The following DRC1 variants were observed in gnomAD, a reference collection of about 807,000 sequenced individuals.
DRC1 encodes the protein dynein regulatory complex subunit 1, also known as dynein regulatory complex protein 1.
In DRC1, 74 loss-of-function variants were observed where a neutral mutation model predicts 98.7. That is an observed-to-expected ratio of 0.75 (90% confidence interval 0.62 to 0.91). The LOEUF (loss-of-function observed/expected upper bound fraction) is 0.91, where lower values mean the gene tolerates loss of function less well. Among genes scored for constraint, DRC1 ranks in the 40% least tolerant of loss-of-function variants. The pLI is 0.00. For synonymous variants in DRC1, 336 were observed against 334.1 expected (o/e 1.01, Z -0.06); for missense variants, 875 against 886.0 (o/e 0.99, Z 0.16).
rs1664124531 is a variant in DRC1 at position 26,455,364 on chromosome 2, A to C, written c.2166+131A>C. Reference sequence around the variant, plus strand: ...GGGAGCTTTGTGATATGATGTAAAAAATCAAGAGTGGCACCTTGAGACAAC... The same window carrying C: ...GGGAGCTTTGTGATATGATGTAAAACATCAAGAGTGGCACCTTGAGACAAC... On this transcript the variant is annotated intron_variant, in intron 16 of 16. Transcript: ENST00000288710. The C allele has an allele frequency of 1.2e-5, 10 of 829,990 alleles. No homozygotes were observed. The East Asian group carries it at 2.4e-4, about 20-fold the overall frequency. 51.4% of individuals were successfully genotyped at this position (829,990 alleles called of 1,614,324 possible). A position where few individuals can be genotyped will look rare whatever the true frequency, so the allele number is the denominator to read the frequency against.
intron 1 of DRC1, 105 bp from the exon 2 acceptor site, chr2:26,414,239 A>G: frequency 8.8e-7 from 1 of 1,139,734 alleles, no homozygotes; most frequent in South Asian, 1.6e-5. Flanking sequence ...GGTCTCCCAA[A>G]CTGTTGGGAT....
In DRC1 at chr2:26,444,712, A is replaced by C. The variant is rs1355595019; in HGVS notation, c.1164-4A>C. The C allele has an allele frequency of 6.2e-7, 1 of 1,613,822 alleles. No individual in the cohort carries two copies. ...TGGCCATGCTCTGTGACTCTCCTTC[A>C]CAGGCATTTTGCTCTTATTGATGAT... On this transcript the variant is annotated splice_region_variant and splice_polypyrimidine_tract_variant and intron_variant, in intron 9 of 16. Transcript: ENST00000288710.
chr2:26,409,124 G>T (rs868316313), intron 1 of DRC1, among the ~76,000 whole-genome samples: 93 of 151,326 alleles, frequency 6.1e-4, no homozygotes, highest in African/African-American at 2.1e-3. Context: ...TAGAGATGGA[G>T]TCCTGCTATG....
At chr2:26,406,709 C>T (rs1678439215) in intron 1 of DRC1, among the ~76,000 whole-genome samples, 1 of 144,508 alleles carries the variant, frequency 6.9e-6, no homozygotes, top group South Asian at 2.1e-4. Flanking sequence ...GAGACTCCTT[C>T]TCAAAAAAAC....
At chr2:26,414,689 T>C (rs548400269) in intron 2 of DRC1, among the ~76,000 whole-genome samples, 1 of 152,358 alleles carries the variant, frequency 6.6e-6, no homozygotes, top group African/African-American at 2.4e-5. Context: ...ATGTTTTAGC[T>C]TGGGCGCTCA....
At chr2:26,445,085 A>G (rs1663819676) in intron 10 of DRC1, 137 bp downstream of exon 10, 4 of 949,434 alleles carry the variant, frequency 4.2e-6, no homozygotes, top group Non-Finnish European at 6.1e-6. Flanking sequence ...AGTCTCCTCT[A>G]ATTTATAGCT....
chr2:26,407,241 C>T (rs1678457531), intron 1 of DRC1, among the ~76,000 whole-genome samples: 1 of 151,984 alleles, frequency 6.6e-6, no homozygotes, highest in Admixed American at 6.6e-5. Context: ...CGCAAATCCA[C>T]AAAGTCAAGA....
chr2:26,453,196 A>G, intron 13 of DRC1, 124 bp from the exon 14 acceptor site: 2 of 1,142,768 alleles, frequency 1.8e-6, no homozygotes, highest in Middle Eastern at 4.8e-4. Context: ...GTCCCTGTGT[A>G]AATGTCTCCC....
intron 1 of DRC1, among the ~76,000 whole-genome samples, chr2:26,407,888 C>G (rs947994728): frequency 6.6e-6 from 1 of 152,188 alleles, no homozygotes; most frequent in African/African-American, 2.4e-5. Flanking sequence ...GTTGTATGTT[C>G]CGTGCACATG....
rs1032568630 is a variant in DRC1, at chr2:26,424,272, A to T, written c.358A>T (p.Ile120Phe). ...TGGCTGGCATGTATGTATTTGCAGGATTGAGAAGCTGGAGAATGAAGTTAA... is the reference window on the plus strand; with the variant it reads ...TGGCTGGCATGTATGTATTTGCAGGTTTGAGAAGCTGGAGAATGAAGTTAA... ...VEEEEIKRQRIEKLENEVKTS... is the reference protein window; with the variant it reads ...VEEEEIKRQRFEKLENEVKTS... Residue 120 changes from isoleucine (I) to phenylalanine (F), a missense_variant and splice_region_variant, in exon 4 of 17, where the codon ATT becomes TTT. By Grantham distance (21) the Ile-to-Phe change is conservative (BLOSUM62 0). Transcript: ENST00000288710. 2.5e-6 allele frequency: 4 copies of T among 1,613,924 alleles called. No homozygotes were observed. Among genetic ancestry groups the T allele is most frequent in the East Asian group, 2.2e-5 (1 of 44,876 alleles).
intron 6 of DRC1, among the ~76,000 whole-genome samples, chr2:26,431,206 G>A (rs866797630): frequency 2.0e-5 from 3 of 152,074 alleles, no homozygotes; most frequent in Non-Finnish European, 2.9e-5. Context: ...CTCTCGTCTC[G>A]GCCTTCCAAA....
intron 10 of DRC1, chr2:26,448,279 T>C: frequency 2.2e-6 from 1 of 455,186 alleles, no homozygotes. Context: ...GCCCCTGCTT[T>C]GAGTTGGCTG....
chr2:26,402,069 T>C lies in DRC1; in HGVS notation c.80T>C (p.Val27Ala). ...TCCACCCAGATTCTCGCGCCCTCGG[T>C]CCACTCCGACAACTCTCAGGAGCGC... ...HLSTQILAPS[V>A]HSDNSQERIQ... The change falls in exon 1 of 17, where the codon GTC becomes GCC. Residue 27 changes from valine to alanine, a missense_variant. Transcript: ENST00000288710. 6.2e-7 allele frequency: 1 copy of C among 1,613,324 alleles called. No individual in the cohort carries two copies. The highest frequency in any genetic ancestry group is 8.5e-7 in the Non-Finnish European group (1 of 1,179,808).
At chr2:26,410,286 T>G (rs1572351871) in intron 1 of DRC1, among the ~76,000 whole-genome samples, 1 of 120,578 alleles carries the variant, frequency 8.3e-6, no homozygotes, top group African/African-American at 2.7e-5. Context: ...TATTATTAAT[T>G]TTGATACGGA....
chr2:26,408,007 C>T (rs1461121209), intron 1 of DRC1, among the ~76,000 whole-genome samples: 2 of 152,166 alleles, frequency 1.3e-5, no homozygotes, highest in African/African-American at 4.8e-5. Flanking sequence ...GAAATATCTG[C>T]CTTATTTTCT....
chr2:26,456,128 G>A (rs1041375544), intron 16 of DRC1, among the ~76,000 whole-genome samples: 3 of 152,216 alleles, frequency 2.0e-5, no homozygotes, highest in Non-Finnish European at 4.4e-5. Context: ...AGATGCTACT[G>A]TATACAAGAG....
At chr2:26,427,804 A>G (rs1199736925) in intron 4 of DRC1, among the ~76,000 whole-genome samples, 2 of 152,200 alleles carry the variant, frequency 1.3e-5, no homozygotes, top group Non-Finnish European at 2.9e-5. Context: ...TTTAGCTCCC[A>G]CAAATGAGTG....
intron 1 of DRC1, among the ~76,000 whole-genome samples, chr2:26,413,909 G>GT (rs1291726427): frequency 6.6e-6 from 1 of 151,650 alleles, no homozygotes; most frequent in Admixed American, 6.6e-5. Context: ...TATGATTGCA[G>GT]TTTTTTTAAT....
chr2:26,417,102 T>C (rs191241594), intron 2 of DRC1, among the ~76,000 whole-genome samples: 252 of 152,164 alleles, frequency 1.7e-3, no homozygotes, highest in Middle Eastern at 3.4e-3. Context: ...TCCACCCCCA[T>C]GATCCAATCA....
Sources: allele counts gnomAD v4.1 joint callset (sites outside exome capture counted in the v4.1 genomes callset), GRCh38; gene constraint gnomAD v4.1.1; transcripts MANE v1.5; gene names NCBI Gene and HGNC (gene_info 2026-07-23, HGNC 2026-07-21).